ITPR2: variants seen among roughly 807,000 people sequenced by gnomAD.
The protein encoded by ITPR2 is inositol 1,4,5-trisphosphate receptor type 2.
In ITPR2, 207 loss-of-function variants were observed where a neutral mutation model predicts 317.1. That is an observed-to-expected ratio of 0.65 (90% confidence interval 0.58 to 0.73). The LOEUF is 0.73. Among genes scored for constraint, ITPR2 ranks in the 30% least tolerant of loss-of-function variants. The pLI is 0.00. For synonymous variants in ITPR2, 1,156 were observed against 1,149.1 expected (o/e 1.01, Z -0.12); for missense variants, 2,613 against 3,284.0 (o/e 0.80, Z 4.99).
intron 13 of ITPR2, among the ~76,000 whole-genome samples, chr12:26,670,151 T>C (rs1399374790): frequency 3.3e-5 from 5 of 152,122 alleles, no homozygotes; most frequent in Non-Finnish European, 7.4e-5. Flanking sequence ...AGCAGTAACC[T>C]CTGCAGACTT....
At chr12:26,423,684 A>T (rs1940961855) in intron 49 of ITPR2, among the ~76,000 whole-genome samples, 1 of 152,204 alleles carries the variant, frequency 6.6e-6, no homozygotes, top group Non-Finnish European at 1.5e-5. Flanking sequence ...AGTGACCCCA[A>T]ATTTATAAAA....
intron 45 of ITPR2, among the ~76,000 whole-genome samples, chr12:26,457,254 A>C (rs1437380078): frequency 6.6e-6 from 1 of 152,208 alleles, no homozygotes; most frequent in African/African-American, 2.4e-5. Context: ...TTAGATACAA[A>C]GCAGGATTAT....
chr12:26,769,256 A>G (rs1342198964), intron 2 of ITPR2, among the ~76,000 whole-genome samples: 1 of 152,158 alleles, frequency 6.6e-6, no homozygotes, highest in Non-Finnish European at 1.5e-5. Flanking sequence ...TTATTCTTTA[A>G]AAGACAATTT....
rs368296247 is a variant in ITPR2 at position 26,378,653 on chromosome 12, G to T, written c.7857+8781C>A. On this transcript the variant is annotated intron_variant, in intron 55 of 56. Coordinates refer to ENST00000381340, the MANE Select transcript of ITPR2 (RefSeq NM_002223.4). ...AAGCTGTCCTTCTAGTTATAGTGTGGTCCTGGGAGGGCAATGATATTTTAT... is the reference window on the plus strand; with the variant it reads ...AAGCTGTCCTTCTAGTTATAGTGTGTTCCTGGGAGGGCAATGATATTTTAT... Among the ~76,000 whole-genome samples, 2 of 152,284 alleles carry T rather than the reference G, an allele frequency of 1.3e-5. 1 individual carries two copies. The highest frequency in any genetic ancestry group is 4.8e-5 in the African/African-American group (2 of 41,558).
intron 45 of ITPR2, among the ~76,000 whole-genome samples, chr12:26,449,919 A>G (rs1483585510): frequency 6.6e-6 from 1 of 152,220 alleles, no homozygotes; most frequent in African/African-American, 2.4e-5. Context: ...ATTCAGAAAC[A>G]GGAATTTGCA....
chr12:26,377,516 G>C (rs971763703), intron 55 of ITPR2, among the ~76,000 whole-genome samples: 5 of 152,108 alleles, frequency 3.3e-5, no homozygotes, highest in Non-Finnish European at 7.4e-5. Context: ...TAAAAATATT[G>C]GAGAAACAGA....
chr12:26,654,133 A>T lies in ITPR2; in HGVS notation c.2590-7T>A, dbSNP rs772149204. 3.8e-6 allele frequency: 3 copies of T among 792,246 alleles called. No individual in the cohort carries two copies. Among genetic ancestry groups the T allele is most frequent in the East Asian group, 5.0e-5 (1 of 19,830 alleles). 49.1% of individuals were successfully genotyped at this position (792,246 alleles called of 1,614,324 possible). A position where few individuals can be genotyped will look rare whatever the true frequency, so the allele number is the denominator to read the frequency against. ...TCCGAGCCAAGTGGACCACCTTAAT[A>T]AAAAAAAAAAAGCGGGGAGGGGGAG... On this transcript the variant is annotated splice_region_variant and splice_polypyrimidine_tract_variant and intron_variant, in intron 20 of 56. Transcript: ENST00000381340.
intron 21 of ITPR2, chr12:26,649,593 C>T (rs1340941487): frequency 1.3e-5 from 2 of 152,132 alleles, no homozygotes; most frequent in Non-Finnish European, 2.9e-5. Context: ...CATAGATATT[C>T]TCTATTCTCC....
At chr12:26,622,528 G>A in intron 24 of ITPR2, 123 bp from the exon 25 acceptor site, 2 of 697,048 alleles carry the variant, frequency 2.9e-6, no homozygotes, top group South Asian at 2.9e-5. Context: ...GAAGTGAACA[G>A]GAAAACATTT....
intron 34 of ITPR2, among the ~76,000 whole-genome samples, chr12:26,569,222 T>C (rs757164982): frequency 7.9e-5 from 12 of 151,878 alleles, no homozygotes; most frequent in Non-Finnish European, 1.5e-4. Context: ...AAATATTGCA[T>C]GCCAAAAAAT....
At chr12:26,657,632 A>T in intron 18 of ITPR2, 75 bp downstream of exon 18, 1 of 1,265,306 alleles carries the variant, frequency 7.9e-7, no homozygotes, top group Non-Finnish European at 1.1e-6. Flanking sequence ...ATACCTAACT[A>T]GTGGCTACAG....
At chr12:26,793,855 T>A (rs1018866955) in intron 1 of ITPR2, among the ~76,000 whole-genome samples, 2 of 152,150 alleles carry the variant, frequency 1.3e-5, no homozygotes, top group African/African-American at 4.8e-5. Flanking sequence ...AAATATCATA[T>A]CCTGAAAAAG....
chr12:26,427,685 G>T (rs566803129), intron 49 of ITPR2, among the ~76,000 whole-genome samples: 3 of 152,006 alleles, frequency 2.0e-5, no homozygotes, highest in Admixed American at 6.6e-5. Flanking sequence ...GCAGAACTGG[G>T]TCATTCCCCA....
intron 55 of ITPR2, among the ~76,000 whole-genome samples, chr12:26,365,656 G>T (rs1393903746): frequency 6.6e-6 from 1 of 152,190 alleles, no homozygotes. Flanking sequence ...GATAATACTT[G>T]CATACTAGCT....
intron 37 of ITPR2, among the ~76,000 whole-genome samples, chr12:26,515,601 A>G (rs138720023): frequency 2.8e-4 from 43 of 152,244 alleles, no homozygotes; most frequent in Non-Finnish European, 5.4e-4. Flanking sequence ...CAGAAGACAC[A>G]TAAGAGCTGC....
At chr12:26,455,317 CTG>C (rs1591799723) in intron 45 of ITPR2, among the ~76,000 whole-genome samples, 1 of 129,384 alleles carries the variant, frequency 7.7e-6, no homozygotes. Context: ...TGCTGTCTCT[CTG>C]TTTAACTGTC....
intron 35 of ITPR2, among the ~76,000 whole-genome samples, chr12:26,559,562 C>T (rs1189806150): frequency 1.9e-4 from 3 of 15,950 alleles, no homozygotes; most frequent in African/African-American, 4.6e-4. Flanking sequence ...AATACTAATA[C>T]TAATACTATC....
intron 11 of ITPR2, among the ~76,000 whole-genome samples, 170 bp from the exon 12 acceptor site, chr12:26,682,843 C>T (rs1343704361): frequency 1.3e-5 from 2 of 152,184 alleles, no homozygotes; most frequent in East Asian, 1.9e-4. Context: ...TATTTCAAAG[C>T]ATGCAGCATT....
At chr12:26,780,767 C>T (rs1409257025) in intron 2 of ITPR2, among the ~76,000 whole-genome samples, 3 of 152,162 alleles carry the variant, frequency 2.0e-5, no homozygotes, top group Non-Finnish European at 4.4e-5. Context: ...CACCATCACC[C>T]CTAGTGATCC....
Sources: allele counts gnomAD v4.1 joint callset (sites outside exome capture counted in the v4.1 genomes callset), GRCh38; gene constraint gnomAD v4.1.1; transcripts MANE v1.5; gene names NCBI Gene and HGNC (gene_info 2026-07-23, HGNC 2026-07-21).